The following RIMS2 variants were observed in gnomAD, a reference collection of about 807,000 sequenced individuals.
RIMS2 encodes the protein regulating synaptic membrane exocytosis protein 2.
In RIMS2, 59 loss-of-function variants were observed where a neutral mutation model predicts 174.4. That is an observed-to-expected ratio of 0.34 (90% confidence interval 0.27 to 0.42). RIMS2 has a LOEUF of 0.42. RIMS2 is among the 10% of genes least tolerant of loss of function. RIMS2 has a pLI of 1.00. For synonymous variants in RIMS2, 606 were observed against 572.5 expected, an observed-to-expected ratio of 1.06 and a Z score of -0.84; for missense variants, 1,620 against 1,666.3, an observed-to-expected ratio of 0.97 and a Z score of 0.48.
At chr8:103,676,656 T>C (rs1311769293) in intron 1 of RIMS2, among the ~76,000 whole-genome samples, 1 of 152,024 alleles carries the variant, frequency 6.6e-6, no homozygotes, top group African/African-American at 2.4e-5. Flanking sequence ...TAGGAATATC[T>C]GGGTGAGCTT....
chr8:103,812,750 T>C (rs1282306387), intron 3 of RIMS2, among the ~76,000 whole-genome samples: 1 of 152,166 alleles, frequency 6.6e-6, no homozygotes, highest in African/African-American at 2.4e-5. Flanking sequence ...GCCTTTTATT[T>C]TTTGCTTATA....
At chr8:104,129,749 A>G (rs1000088819) in intron 19 of RIMS2, among the ~76,000 whole-genome samples, 1 of 152,118 alleles carries the variant, frequency 6.6e-6, no homozygotes, top group Non-Finnish European at 1.5e-5. Flanking sequence ...TTACCTTGGG[A>G]TTGTTTTGTC....
At chr8:104,248,901 C>CTT in intron 21 of RIMS2, 88 bp downstream of exon 27, 1 of 680,544 alleles carries the variant, frequency 1.5e-6, no homozygotes, top group Non-Finnish European at 2.6e-6. Flanking sequence ...TTCTCTCTCT[C>CTT]TCTCTCTCTC....
At chr8:103,728,888 C>A (rs530104000) in intron 2 of RIMS2, among the ~76,000 whole-genome samples, 39 of 150,896 alleles carry the variant, frequency 2.6e-4, no homozygotes, top group African/African-American at 8.3e-4. Context: ...GATTGATTTA[C>A]GTTTGTTGAG....
intron 19 of RIMS2, among the ~76,000 whole-genome samples, chr8:104,217,450 G>A (rs1251883535): frequency 2.6e-5 from 4 of 151,904 alleles, no homozygotes; most frequent in East Asian, 1.9e-4. Flanking sequence ...GGTATTTTTT[G>A]TAGAGATAAG....
At position 103,835,359 on chromosome 8, in the gene RIMS2, C is replaced by T. The variant is rs10086186; in HGVS notation, c.699-49939C>T. On this transcript the variant is annotated intron_variant, in intron 3 of 23. Transcript: ENST00000504942. ...CTTGTGATCTGCCTGACTCAGCCTCCCAAAGTGCCGGGATTACAGGCATGA... is the reference window on the plus strand; with the variant it reads ...CTTGTGATCTGCCTGACTCAGCCTCTCAAAGTGCCGGGATTACAGGCATGA... Among the ~76,000 whole-genome samples the T allele has an allele frequency of 7.3e-3, 1,109 of 152,108 alleles. 11 individuals are homozygous for T. The highest frequency in any genetic ancestry group is 0.024 in the African/African-American group (1,007 of 41,484).
At chr8:103,676,898 A>G (rs1056814571) in intron 1 of RIMS2, among the ~76,000 whole-genome samples, 1 of 152,102 alleles carries the variant, frequency 6.6e-6, no homozygotes, top group African/African-American at 2.4e-5. Context: ...GCAGGAGAAT[A>G]GCTTGAACCC....
chr8:104,106,954 A>G (rs2098081780), intron 19 of RIMS2, among the ~76,000 whole-genome samples: 1 of 152,206 alleles, frequency 6.6e-6, no homozygotes, highest in Non-Finnish European at 1.5e-5. Context: ...GTGGTACTAT[A>G]GTATGACTTT....
chr8:104,248,786 C>T (rs763285258), exon 21 of RIMS2: 31 of 1,606,982 alleles, frequency 1.9e-5, no homozygotes, highest in Admixed American at 1.7e-5. Flanking sequence ...GCTAGTGGGA[C>T]GCCAGACTCT....
intron 1 of RIMS2, among the ~76,000 whole-genome samples, chr8:103,552,559 A>G (rs1333318178): frequency 6.6e-6 from 1 of 152,238 alleles, no homozygotes; most frequent in Admixed American, 6.5e-5. Context: ...CATGACTAAA[A>G]CACCAAAAGC....
At chr8:104,006,951 GA>G (rs1278111372) in intron 17 of RIMS2, among the ~76,000 whole-genome samples, 1 of 151,870 alleles carries the variant, frequency 6.6e-6, no homozygotes. Flanking sequence ...ATTATTGAGA[GA>G]AAAAACTATC....
In RIMS2 at chr8:104,219,361, A is replaced by C. The variant is rs112966912; in HGVS notation, c.3335-25555A>C. Reference sequence around the variant, plus strand: ...CAGGACACTGAACCTGAAATCAGGAACCCTGAGTTTGAGTCTTGCTCTGCC... The same window carrying C: ...CAGGACACTGAACCTGAAATCAGGACCCCTGAGTTTGAGTCTTGCTCTGCC... On this transcript the variant is annotated intron_variant, in intron 19 of 23. Coordinates refer to ENST00000504942, the Ensembl canonical transcript of RIMS2. Among the ~76,000 whole-genome samples, 355 of 152,270 alleles carry C rather than the reference A, an allele frequency of 2.3e-3. 3 individuals are homozygous for C. Among genetic ancestry groups the C allele is most frequent in the Middle Eastern group, 0.01 (3 of 294 alleles).
intron 19 of RIMS2, among the ~76,000 whole-genome samples, chr8:104,026,188 TAA>T (rs2096253500): frequency 6.6e-6 from 1 of 152,198 alleles, no homozygotes; most frequent in East Asian, 1.9e-4. Flanking sequence ...GATTGCAGTA[TAA>T]GTTATTTCAT....
chr8:103,913,250 T>A (rs1358382764), intron 6 of RIMS2, among the ~76,000 whole-genome samples: 2 of 151,612 alleles, frequency 1.3e-5, no homozygotes, highest in Non-Finnish European at 2.9e-5. Flanking sequence ...CATGCTGGGA[T>A]TACAGGCGTG....
intron 1 of RIMS2, among the ~76,000 whole-genome samples, chr8:103,632,312 A>G (rs528675378): frequency 1.3e-5 from 2 of 152,222 alleles, no homozygotes; most frequent in Admixed American, 1.3e-4. Flanking sequence ...ATTTCCTAGT[A>G]GAGTTTTTAA....
exon 12 of RIMS2, chr8:103,931,269 C>T: frequency 1.3e-6 from 2 of 1,593,604 alleles, no homozygotes; most frequent in Non-Finnish European, 1.7e-6. Flanking sequence ...TCAGATAAAA[C>T]TATGGTTTGA....
At chr8:103,712,899 AT>A (rs1305093347) in intron 2 of RIMS2, among the ~76,000 whole-genome samples, 3 of 152,148 alleles carry the variant, frequency 2.0e-5, no homozygotes, top group African/African-American at 7.2e-5. Context: ...AAATAAAAGA[AT>A]TTTTTTGAAG....
At chr8:103,883,234 T>C (rs2154519082) in intron 3 of RIMS2, among the ~76,000 whole-genome samples, 1 of 151,866 alleles carries the variant, frequency 6.6e-6, no homozygotes, top group South Asian at 2.1e-4. Flanking sequence ...GCCTCTCAAT[T>C]TAAAGCACAA....
chr8:103,846,619 G>A (rs1461531376), intron 3 of RIMS2, among the ~76,000 whole-genome samples: 1 of 152,132 alleles, frequency 6.6e-6, no homozygotes, highest in African/African-American at 2.4e-5. Flanking sequence ...GCACTATCCA[G>A]ATAAAGGAGA....
Sources: allele counts gnomAD v4.1 joint callset (sites outside exome capture counted in the v4.1 genomes callset), GRCh38; gene constraint gnomAD v4.1.1; transcripts MANE v1.5; gene names NCBI Gene and HGNC (gene_info 2026-07-23, HGNC 2026-07-21).